ITGAE: variants seen among roughly 807,000 people sequenced by gnomAD.
The protein encoded by ITGAE is integrin alpha-E.
A neutral mutation model predicts 136.5 loss-of-function variants in ITGAE; 99 were observed. The observed-to-expected ratio is 0.73, with a 90% CI of 0.62 to 0.86. The LOEUF is 0.86. Among genes scored for constraint, ITGAE ranks in the 40% least tolerant of loss-of-function variants. ITGAE has a pLI of 0.00. For missense variants in ITGAE, 1,447 were observed against 1,515.3 expected, an observed-to-expected ratio of 0.95 and a Z score of 0.75; for synonymous variants, 613 against 591.8, an observed-to-expected ratio of 1.04 and a Z score of -0.52.
chr17:3,784,070 C>T (rs1328402270), intron 1 of ITGAE, among the ~76,000 whole-genome samples: 2 of 152,100 alleles, frequency 1.3e-5, no homozygotes, highest in African/African-American at 4.8e-5. Context: ...ACCATCCTGG[C>T]TAACACGGTG....
intron 21 of ITGAE, 73 bp downstream of exon 21, chr17:3,734,744 C>A: frequency 1.3e-6 from 2 of 1,584,830 alleles, no homozygotes; most frequent in Non-Finnish European, 1.7e-6. Context: ...GTGAGGGGGC[C>A]ACCACAGAAA....
At chr17:3,748,940 C>G (rs1054846059) in intron 16 of ITGAE, among the ~76,000 whole-genome samples, 1 of 152,086 alleles carries the variant, frequency 6.6e-6, no homozygotes, top group Non-Finnish European at 1.5e-5. Flanking sequence ...AAATAGGAGC[C>G]GTGGAGGAGT....
intron 3 of ITGAE, 58 bp downstream of exon 3, chr17:3,763,811 G>A (rs961822530): frequency 8.1e-6 from 11 of 1,353,980 alleles, no homozygotes; most frequent in Non-Finnish European, 9.5e-6. Flanking sequence ...TTAGATGAGG[G>A]GGATTTTGCT....
At chr17:3,764,007 G>C in intron 2 of ITGAE, 47 bp from the exon 3 acceptor site, 1 of 1,357,318 alleles carries the variant, frequency 7.4e-7, no homozygotes, top group South Asian at 1.2e-5. Flanking sequence ...GATGTTCCTC[G>C]TCTTCTCCCT....
chr17:3,752,454 C>T (rs1427248111), intron 14 of ITGAE, among the ~76,000 whole-genome samples: 1 of 152,186 alleles, frequency 6.6e-6, no homozygotes, highest in Non-Finnish European at 1.5e-5. Context: ...GCCAACCATG[C>T]AGCTGTAAGA....
Position 3,714,767 on chromosome 17 carries a change from G to T in ITGAE, c.*80C>A, listed in dbSNP as rs1182941686. 3.8e-6 allele frequency: 3 copies of T among 788,576 alleles called. No homozygotes were observed. The highest frequency in any genetic ancestry group is 6.5e-6 in the Non-Finnish European group (3 of 461,302). The allele number at this position is 788,576 out of a possible 1,614,324, so 48.8% of individuals were successfully genotyped here. On this transcript the variant is annotated 3_prime_UTR_variant, in exon 31 of 31. Transcript: ENST00000263087. ...GCTCCATGCTGCTCTAGATCATCCT[G>T]AAGGAAAAAGTAATGCAAAGGATGC...
chr17:3,723,977 C>A, intron 26 of ITGAE: 1 of 1,580,148 alleles, frequency 6.3e-7, no homozygotes, highest in Non-Finnish European at 8.6e-7. Flanking sequence ...GGCTTTTCCG[C>A]ACATATGGGG....
intron 1 of ITGAE, chr17:3,784,206 G>A (rs2052731154): frequency 4.2e-6 from 1 of 239,700 alleles, no homozygotes; most frequent in Admixed American, 5.7e-5. Context: ...CTTGCAGTGA[G>A]CCGAGATTGC....
chr17:3,717,132 C>A, intron 29 of ITGAE: 1 of 251,088 alleles, frequency 4.0e-6, no homozygotes, highest in Non-Finnish European at 7.8e-6. Flanking sequence ...GACTGTGAGG[C>A]TGTCACGCCG....
At chr17:3,771,354 A>G (rs1430532378) in intron 2 of ITGAE, among the ~76,000 whole-genome samples, 3 of 152,122 alleles carry the variant, frequency 2.0e-5, no homozygotes, top group Admixed American at 1.3e-4. Context: ...AGGCTAATCC[A>G]CGGAGATGAA....
chr17:3,779,888 A>T (rs77594965), intron 1 of ITGAE, among the ~76,000 whole-genome samples: 1 of 152,184 alleles, frequency 6.6e-6, no homozygotes, highest in African/African-American at 2.4e-5. Context: ...GCATGGGAGA[A>T]GGTTTATCTC....
chr17:3,731,931 C>T (rs1288573342), intron 22 of ITGAE, among the ~76,000 whole-genome samples: 1 of 151,850 alleles, frequency 6.6e-6, no homozygotes, highest in Non-Finnish European at 1.5e-5. Context: ...TAAAAATTAG[C>T]CGGGTGTAGT....
intron 1 of ITGAE, among the ~76,000 whole-genome samples, chr17:3,800,896 CAG>C (rs1567570106): frequency 6.6e-6 from 1 of 152,214 alleles, no homozygotes; most frequent in Non-Finnish European, 1.5e-5. Flanking sequence ...CCCTGGCTGA[CAG>C]AACTGGCAAC....
At chr17:3,724,581 T>C in intron 26 of ITGAE, 1 of 1,614,108 alleles carries the variant, frequency 6.2e-7, no homozygotes, top group Non-Finnish European at 8.5e-7. Context: ...GGACCGAGCA[T>C]CTCTCCCCTG....
In ITGAE at chr17:3,729,524, T is replaced by A; in HGVS notation, c.2866A>T (p.Thr956Ser). 1.2e-6 allele frequency: 2 copies of A among 1,611,554 alleles called. No individual in the cohort carries two copies. ...SNERRSLANETHTLQFRHGFV... is the reference protein window; with the variant it reads ...SNERRSLANESHTLQFRHGFV... The stretch of plus-strand genomic sequence containing the variant: ...CCATGCCTGAATTGAAGGGTGTGGG[T>A]CTCGTTGGCCAAAGACCGTCTTTCA... Residue 956 changes from threonine (T) to serine (S), a missense_variant, in exon 24 of 31, where the codon ACC becomes TCC. Transcript: ENST00000263087.
chr17:3,724,696 C>T, intron 26 of ITGAE: 1 of 1,614,210 alleles, frequency 6.2e-7, no homozygotes, highest in Non-Finnish European at 8.5e-7. Context: ...TCAGGAACCC[C>T]TGAGGATTCT....
chr17:3,757,630 C>G, intron 9 of ITGAE, 76 bp downstream of exon 9: 1 of 1,504,076 alleles, frequency 6.6e-7, no homozygotes, highest in Non-Finnish European at 9.1e-7. Flanking sequence ...CAGAAAAGCC[C>G]CCATCGACAA....
intron 2 of ITGAE, among the ~76,000 whole-genome samples, chr17:3,777,109 C>T (rs1444512345): frequency 6.6e-6 from 1 of 152,106 alleles, no homozygotes; most frequent in Non-Finnish European, 1.5e-5. Context: ...TACAGGCGCC[C>T]GCCTCCTCGC....
chr17:3,738,460 C>T (rs572690790), intron 20 of ITGAE, among the ~76,000 whole-genome samples: 11 of 152,266 alleles, frequency 7.2e-5, no homozygotes, highest in Non-Finnish European at 1.0e-4. Flanking sequence ...TGAGCCACCG[C>T]GCCCGGCCTG....
Sources: allele counts gnomAD v4.1 joint callset (sites outside exome capture counted in the v4.1 genomes callset), GRCh38; gene constraint gnomAD v4.1.1; transcripts MANE v1.5; gene names NCBI Gene and HGNC (gene_info 2026-07-23, HGNC 2026-07-21).